The following CPEB4 variants were observed in gnomAD, a reference collection of about 807,000 sequenced individuals.
CPEB4 encodes the protein cytoplasmic polyadenylation element binding protein 4.
CPEB4 carries 12 observed loss-of-function variants against 72.5 expected under a neutral mutation model. That is an observed-to-expected ratio of 0.17 (90% CI 0.11 to 0.27). The LOEUF (loss-of-function observed/expected upper bound fraction) is 0.27. Ranked by LOEUF, CPEB4 falls within the 10% of genes least tolerant of loss-of-function variation. CPEB4 has a pLI of 1.00. For missense variants in CPEB4, 614 were observed against 908.5 expected, an observed-to-expected ratio of 0.68 and a Z score of 4.17; for synonymous variants, 302 against 326.3, an observed-to-expected ratio of 0.93 and a Z score of 0.80.
chr5:173,933,426 G>C (rs928435688), intron 3 of CPEB4, among the ~76,000 whole-genome samples: 10 of 152,178 alleles, frequency 6.6e-5, no homozygotes, highest in African/African-American at 2.4e-4. Flanking sequence ...TGTTGAGCCA[G>C]GAGAAGTTAG....
chr5:173,919,094 G>A (rs889890759), intron 2 of CPEB4, among the ~76,000 whole-genome samples: 1 of 151,964 alleles, frequency 6.6e-6, no homozygotes, highest in Non-Finnish European at 1.5e-5. Context: ...TTATAATATG[G>A]TTATTATGAC....
At chr5:173,938,813 A>G (rs1217895051) in intron 3 of CPEB4, among the ~76,000 whole-genome samples, 1 of 152,224 alleles carries the variant, frequency 6.6e-6, no homozygotes, top group East Asian at 1.9e-4. Context: ...TCATTTGTTC[A>G]TTTTTAATAT....
intron 1 of CPEB4, among the ~76,000 whole-genome samples, chr5:173,903,270 G>T (rs1021254345): frequency 3.3e-5 from 5 of 152,180 alleles, no homozygotes; most frequent in African/African-American, 1.2e-4. Context: ...CTTAGAACTT[G>T]AAAGACAGAG....
chr5:173,961,979 TA>T lies in CPEB4; in HGVS notation c.*5843del, dbSNP rs1758564469. 1 of 152,062 alleles carries T rather than the reference TA, an allele frequency of 6.6e-6. No individual in the cohort carries two copies. The highest frequency in any genetic ancestry group is 2.4e-5 in the African/African-American group (1 of 41,444). 9.4% of individuals were successfully genotyped at this position (152,062 alleles called of 1,614,324 possible). ...ATAAAGTTTTACCATTAAATACACT[TA>T]GAAAATGGGTCACCTTGTTTCTTGC... On this transcript the variant is annotated 3_prime_UTR_variant, in exon 10 of 10. Coordinates refer to ENST00000265085, the MANE Select transcript of CPEB4 (RefSeq NM_030627.4).
chr5:173,932,311 G>T, intron 2 of CPEB4, 139 bp from the exon 3 acceptor site: 1 of 523,276 alleles, frequency 1.9e-6, no homozygotes, highest in Non-Finnish European at 3.3e-6. Flanking sequence ...TTTGAATATT[G>T]ATGAACATGC....
intron 1 of CPEB4, among the ~76,000 whole-genome samples, chr5:173,902,997 G>T (rs552960991): frequency 3.1e-4 from 47 of 151,212 alleles, no homozygotes; most frequent in African/African-American, 1.0e-3. Flanking sequence ...TTGACCAGTT[G>T]TGAGAGAGAG....
At chr5:173,907,453 A>C (rs1756483421) in intron 1 of CPEB4, among the ~76,000 whole-genome samples, 1 of 152,214 alleles carries the variant, frequency 6.6e-6, no homozygotes, top group Admixed American at 6.5e-5. Context: ...GTGATTGCAA[A>C]ATGCATGTTC....
intron 2 of CPEB4, among the ~76,000 whole-genome samples, chr5:173,920,969 A>G (rs1389695973): frequency 6.6e-6 from 1 of 152,142 alleles, no homozygotes; most frequent in African/African-American, 2.4e-5. Context: ...GGCCTCGTGA[A>G]ATGTTTTTGT....
intron 3 of CPEB4, among the ~76,000 whole-genome samples, chr5:173,933,644 G>A (rs1757520221): frequency 6.6e-6 from 1 of 152,050 alleles, no homozygotes; most frequent in African/African-American, 2.4e-5. Flanking sequence ...AGAACATAAG[G>A]GATATATATA....
Position 173,919,949 on chromosome 5 carries a change from G to C in CPEB4, c.1207+9345G>C, listed in dbSNP as rs552638732. ...TTACTACCAAAACTAAAAAGGAGGA[G>C]AGAGAAAATTCTCTGAAATTGTTCT... On this transcript the variant is annotated intron_variant, in intron 2 of 9. Coordinates refer to ENST00000265085, the MANE Select transcript of CPEB4 (RefSeq NM_030627.4). Among the ~76,000 whole-genome samples, 8 of 152,290 alleles carry C rather than the reference G, an allele frequency of 5.3e-5. No individual in the cohort carries two copies. The East Asian group carries it at 1.5e-3, about 29-fold the overall frequency.
chr5:173,955,987 T>C lies in CPEB4; in HGVS notation c.2040T>C (p.Ala680=). The change falls in exon 10 of 10, where the codon GCT becomes GCC. Residue 680 remains alanine (A), a synonymous_variant. Coordinates refer to ENST00000265085, the MANE Select transcript of CPEB4 (RefSeq NM_030627.4). The surrounding 1 kb of genome is among the most constrained non-coding windows in gnomAD (Gnocchi z 4.7). ...GGGCCCGTTGTGGGGGGAAATTTGC[T>C]CCATTTTTCTGTGCTAATGTTACCT... ...CQGARCGGKF[A]PFFCANVTCL... The C allele has an allele frequency of 6.2e-7, 1 of 1,614,130 alleles. No homozygotes were observed. The highest frequency in any genetic ancestry group is 8.5e-7 in the Non-Finnish European group (1 of 1,180,006).
intron 2 of CPEB4, among the ~76,000 whole-genome samples, chr5:173,931,097 T>G (rs1381405748): frequency 2.0e-5 from 3 of 152,194 alleles, no homozygotes; most frequent in Non-Finnish European, 4.4e-5. Context: ...TAGAGAATAG[T>G]TTCCTCTTTT....
At chr5:173,899,791 T>C (rs1756158265) in intron 1 of CPEB4, among the ~76,000 whole-genome samples, 1 of 152,192 alleles carries the variant, frequency 6.6e-6, no homozygotes, top group African/African-American at 2.4e-5. Context: ...TTAGACTGCA[T>C]CAACTTTTTA....
chr5:173,950,160 A>G lies in CPEB4; in HGVS notation c.1665+82A>G, dbSNP rs1758167156. The G allele has an allele frequency of 2.5e-6, 2 of 798,756 alleles. No individual in the cohort carries two copies. Among genetic ancestry groups the G allele is most frequent in the Non-Finnish European group, 4.1e-6 (2 of 484,768 alleles). The allele number at this position is 798,756 out of a possible 1,614,324, so 49.5% of individuals were successfully genotyped here. A position where few individuals can be genotyped will look rare whatever the true frequency, so the allele number is the denominator to read the frequency against. On this transcript the variant is annotated intron_variant, in intron 7 of 9. Transcript: ENST00000265085. This position sits in a 1 kb window ranked among gnomAD's most constrained non-coding sequence, Gnocchi z 5.0. ...ATTTGAAAAACCCATAGACAACTTG[A>G]TGTGTTTGGGGTACTTAATTGACAT... is the stretch of plus-strand genomic sequence containing the variant.
In CPEB4 at chr5:173,958,891, A is replaced by T. The variant is rs1199119807; in HGVS notation, c.*2754A>T. ...TTTAAATTATATATAAGGAAAAAAAATAGCCTGCCTTGGGACAGGTGTGTA... is the reference window on the plus strand; with the variant it reads ...TTTAAATTATATATAAGGAAAAAAATTAGCCTGCCTTGGGACAGGTGTGTA... On this transcript the variant is annotated 3_prime_UTR_variant, in exon 10 of 10. Transcript: ENST00000265085. 2 of 152,744 alleles carry T rather than the reference A, an allele frequency of 1.3e-5. No homozygotes were observed. Among genetic ancestry groups the T allele is most frequent in the East Asian group, 3.7e-4 (2 of 5,342 alleles). The allele number at this position is 152,744 out of a possible 1,614,324, so 9.5% of individuals were successfully genotyped here.
chr5:173,907,192 G>A (rs894733404), intron 1 of CPEB4, among the ~76,000 whole-genome samples: 4 of 152,244 alleles, frequency 2.6e-5, no homozygotes, highest in South Asian at 2.1e-4. Context: ...GCTTGAACCC[G>A]GGAGGCGGAG....
At chr5:173,898,518 G>C (rs1756106145) in intron 1 of CPEB4, among the ~76,000 whole-genome samples, 1 of 151,990 alleles carries the variant, frequency 6.6e-6, no homozygotes, top group African/African-American at 2.4e-5. Flanking sequence ...GTATTTTTGA[G>C]GATAAAATGA....
At chr5:173,953,548 C>T in intron 9 of CPEB4, 1 of 389,212 alleles carries the variant, frequency 2.6e-6, no homozygotes, top group Non-Finnish European at 4.5e-6. Context: ...CATTCATTCA[C>T]TTAGTTTGTA....
chr5:173,921,435 T>C (rs1393686488), intron 2 of CPEB4, among the ~76,000 whole-genome samples: 1 of 152,178 alleles, frequency 6.6e-6, no homozygotes, highest in Non-Finnish European at 1.5e-5. Context: ...GAGGAAATGG[T>C]GAGGAGGAGG....
Sources: allele counts gnomAD v4.1 joint callset (sites outside exome capture counted in the v4.1 genomes callset), GRCh38; gene constraint gnomAD v4.1.1; non-coding constraint Gnocchi (gnomAD v3.1); transcripts MANE v1.5; gene names NCBI Gene and HGNC (gene_info 2026-07-23, HGNC 2026-07-21).